The following LRRC17 variants were observed in gnomAD, a reference collection of about 807,000 sequenced individuals.
LRRC17 encodes leucine rich repeat containing 17.
Under a neutral mutation model 41.5 loss-of-function variants are expected in LRRC17, and 33 were observed. The observed-to-expected ratio is 0.80, with a 90% CI of 0.60 to 1.06. The LOEUF is 1.06. Ranked by LOEUF, LRRC17 falls within the 50% of genes least tolerant of loss-of-function variation. LRRC17 has a pLI of 0.00. For synonymous variants in LRRC17, 192 were observed against 197.0 expected (o/e 0.97, Z 0.21); for missense variants, 491 against 519.3 (o/e 0.95, Z 0.53).
At chr7:102,922,890 A>C (rs1010279053) in intron 1 of LRRC17, among the ~76,000 whole-genome samples, 1 of 152,146 alleles carries the variant, frequency 6.6e-6, no homozygotes, top group Non-Finnish European at 1.5e-5. Context: ...AGGCAGGAGA[A>C]TGGCATGAAC....
At chr7:102,939,065 C>G (rs914203204) in intron 2 of LRRC17, among the ~76,000 whole-genome samples, 8 of 152,204 alleles carry the variant, frequency 5.3e-5, no homozygotes, top group Non-Finnish European at 7.3e-5. Context: ...CTGTCATCCA[C>G]CTTCATGTCC....
intron 1 of LRRC17, chr7:102,913,357 C>T (rs1370840177): frequency 2.1e-6 from 2 of 958,706 alleles, no homozygotes; most frequent in Admixed American, 5.1e-5. Context: ...TGTTAACTCT[C>T]TACCTGTTAA....
intron 2 of LRRC17, among the ~76,000 whole-genome samples, chr7:102,937,428 A>G (rs1339702437): frequency 6.9e-6 from 1 of 144,784 alleles, no homozygotes; most frequent in Non-Finnish European, 1.5e-5. Context: ...AATCGCTTGA[A>G]CTCTGGAGGC....
rs183272111 is a variant in LRRC17, at chr7:102,937,849, A to C, written c.773-1581A>C. Among the ~76,000 whole-genome samples, 482 of 152,340 alleles carry C rather than the reference A, an allele frequency of 3.2e-3. 1 individual carries two copies. Among genetic ancestry groups the C allele is most frequent in the Non-Finnish European group, 5.7e-3 (385 of 68,034 alleles). ...GTGTGACAACCTGAGGATCGGTACA[A>C]GTATACCACATATACATGGTCACAC... On this transcript the variant is annotated intron_variant, in intron 2 of 3. Transcript: ENST00000339431.
At chr7:102,927,660 T>C (rs560179959) in intron 1 of LRRC17, among the ~76,000 whole-genome samples, 1 of 152,268 alleles carries the variant, frequency 6.6e-6, no homozygotes, top group South Asian at 2.1e-4. Flanking sequence ...ATAGGGAAGG[T>C]TCTATGCACC....
intron 1 of LRRC17, among the ~76,000 whole-genome samples, chr7:102,930,397 T>C (rs1015620272): frequency 1.3e-5 from 2 of 152,156 alleles, no homozygotes; most frequent in Non-Finnish European, 2.9e-5. Flanking sequence ...TCCCTGCCCC[T>C]GTTTTCCTTC....
At chr7:102,921,804 A>T (rs1817089018) in intron 1 of LRRC17, among the ~76,000 whole-genome samples, 1 of 152,250 alleles carries the variant, frequency 6.6e-6, no homozygotes, top group Non-Finnish European at 1.5e-5. Flanking sequence ...GAAATAATTC[A>T]GTCCACATTT....
Position 102,934,351 on chromosome 7 carries a change from G to A in LRRC17, c.438G>A (p.Glu146=). The part of the protein sequence containing the change: ...LQHNQIKVLT[E]EVFIYTPLLS... ...ACAACCAGATCAAAGTCTTGACGGAGGAAGTGTTCATTTACACACCTCTCT... is the reference window on the plus strand; with the variant it reads ...ACAACCAGATCAAAGTCTTGACGGAAGAAGTGTTCATTTACACACCTCTCT... Residue 146 remains glutamate, a synonymous_variant, in exon 2 of 4, where the codon GAG becomes GAA. Transcript: ENST00000339431. 1 of 1,614,130 alleles carries A rather than the reference G, an allele frequency of 6.2e-7. No individual in the cohort carries two copies. The highest frequency in any genetic ancestry group is 8.5e-7 in the Non-Finnish European group (1 of 1,180,008).
At chr7:102,921,346 A>G (rs572166285) in intron 1 of LRRC17, among the ~76,000 whole-genome samples, 4 of 152,346 alleles carry the variant, frequency 2.6e-5, no homozygotes, top group Admixed American at 2.6e-4. Flanking sequence ...TGATGTATCA[A>G]GAATTTATAT....
chr7:102,920,500 C>G (rs940736541), intron 1 of LRRC17, among the ~76,000 whole-genome samples: 1 of 151,922 alleles, frequency 6.6e-6, no homozygotes, highest in African/African-American at 2.4e-5. Flanking sequence ...CAGGTGCATG[C>G]CACCACACCC....
intron 1 of LRRC17, among the ~76,000 whole-genome samples, chr7:102,922,180 A>T (rs1481032145): frequency 6.6e-6 from 1 of 150,460 alleles, no homozygotes; most frequent in Admixed American, 6.6e-5. Context: ...ACAGAGGAAG[A>T]CTCTGTCTCA....
intron 3 of LRRC17, 120 bp downstream of exon 3, chr7:102,939,705 A>G (rs1821029642): frequency 4.4e-6 from 4 of 916,138 alleles, no homozygotes; most frequent in African/African-American, 1.7e-5. Flanking sequence ...ATAAAGTACA[A>G]GTTTTAATTA....
chr7:102,944,239 G>C lies in LRRC17; in HGVS notation c.958G>C (p.Glu320Gln). The change falls in exon 4 of 4, where the codon GAA becomes CAA. Residue 320 changes from glutamate to glutamine, a missense_variant. Transcript: ENST00000339431. ...TTTTTTAGGGCTCACACATTTAGAA[G>C]AATTAGATTTATCAAACAACAGTCT... Reference protein sequence around the residue: ...AAFLGLTHLEELDLSNNSLQN... With the variant: ...AAFLGLTHLEQLDLSNNSLQN... The C allele has an allele frequency of 6.2e-7, 1 of 1,610,726 alleles. No homozygotes were observed. The highest frequency in any genetic ancestry group is 8.5e-7 in the Non-Finnish European group (1 of 1,179,002).
intron 3 of LRRC17, chr7:102,942,343 G>C (rs764324654): frequency 6.3e-7 from 1 of 1,581,888 alleles, no homozygotes; most frequent in South Asian, 1.2e-5. Flanking sequence ...TTTTGCTGTG[G>C]TAAGTATACA....
intron 1 of LRRC17, among the ~76,000 whole-genome samples, chr7:102,928,921 A>C (rs6465882): frequency 0.78 from 118,498 of 152,092 alleles, 46,509 homozygotes; most frequent in Middle Eastern, 0.84. Context: ...CTGATGTGAT[A>C]TTTGACATGT....
intron 1 of LRRC17, among the ~76,000 whole-genome samples, chr7:102,924,787 C>A (rs1268366334): frequency 2.0e-5 from 3 of 151,946 alleles, no homozygotes; most frequent in East Asian, 3.9e-4. Context: ...ACTACAGGCA[C>A]CCACCACCGC....
intron 1 of LRRC17, among the ~76,000 whole-genome samples, chr7:102,922,711 G>A (rs1442222655): frequency 4.6e-5 from 7 of 152,112 alleles, no homozygotes; most frequent in Non-Finnish European, 1.0e-4. Flanking sequence ...GGTGGCTCAC[G>A]CCTATAATCC....
Position 102,934,446 on chromosome 7 carries a change from T to C in LRRC17, c.533T>C (p.Leu178Ser). 2 of 1,614,212 alleles carry C rather than the reference T, an allele frequency of 1.2e-6. No homozygotes were observed. The highest frequency in any genetic ancestry group is 1.7e-6 in the Non-Finnish European group (2 of 1,180,030). The change falls in exon 2 of 4, where the codon TTG (leucine) becomes TCG (serine). Residue 178 changes from leucine to serine, a missense_variant. By Grantham distance (145) the Leu-to-Ser change is moderately radical. Transcript: ENST00000339431. ...TCEIETLISM[L>S]QIPRNRNLGN... ...GAGATAGAAACGCTTATTTCAATGTTGCAGATTCCCAGGAACCGGAATTTG... is the reference window on the plus strand; with the variant it reads ...GAGATAGAAACGCTTATTTCAATGTCGCAGATTCCCAGGAACCGGAATTTG...
At chr7:102,942,428 A>G in intron 3 of LRRC17, 1 of 1,224,204 alleles carries the variant, frequency 8.2e-7, no homozygotes, top group Non-Finnish European at 1.1e-6. Flanking sequence ...GTTGTGGAAA[A>G]GAGAAAGAAG....
Sources: gnomAD v4.1 joint callset for allele counts (sites outside exome capture counted in the v4.1 genomes callset) on GRCh38, gnomAD v4.1.1 for gene constraint, MANE v1.5 for transcripts, NCBI Gene and HGNC (gene_info 2026-07-23, HGNC 2026-07-21) for gene names.